The following MICALL2 variants were observed in gnomAD, a reference collection of about 807,000 sequenced individuals.
MICALL2 encodes the protein MICAL-like protein 2.
In MICALL2, 111 loss-of-function variants were observed where a neutral mutation model predicts 91.1. The observed-to-expected ratio is 1.22, with a 90% CI of 1.04 to 1.43. The LOEUF (loss-of-function observed/expected upper bound fraction) is 1.43, where lower values mean the gene tolerates loss of function less well. MICALL2 is among the 40% of genes most tolerant of loss of function. The pLI, the probability that MICALL2 is intolerant of heterozygous loss-of-function variation, is 0.00. For synonymous variants in MICALL2, 694 were observed against 525.3 expected (o/e 1.32, Z -4.39); for missense variants, 1,556 against 1,236.0 (o/e 1.26, Z -3.88).
At chr7:1,441,731 A>G in intron 7 of MICALL2, 1 of 192,254 alleles carries the variant, frequency 5.2e-6, no homozygotes, top group Non-Finnish European at 1.1e-5. Context: ...CACAGGGGGG[A>G]CGGGGCATAG....
chr7:1,455,254 C>A (rs1320238146), intron 1 of MICALL2, among the ~76,000 whole-genome samples: 1 of 152,244 alleles, frequency 6.6e-6, no homozygotes, highest in Non-Finnish European at 1.5e-5. Flanking sequence ...GCTGCTCCAG[C>A]CCCGACAGGC....
chr7:1,439,674 G>C (rs1017032163), intron 9 of MICALL2: 1 of 405,282 alleles, frequency 2.5e-6, no homozygotes, highest in Non-Finnish European at 4.3e-6. Context: ...CATGAACACA[G>C]ATGTACACAT....
chr7:1,435,205 G>A (rs377589459), intron 15 of MICALL2, 58 bp from the exon 16 acceptor site: 30 of 1,585,896 alleles, frequency 1.9e-5, no homozygotes, highest in African/African-American at 1.7e-4. Context: ...GCCCTGGAGG[G>A]GCCTCCGGAC....
chr7:1,437,757 C>G (rs967449422), intron 13 of MICALL2, 133 bp downstream of exon 13: 1 of 1,216,050 alleles, frequency 8.2e-7, no homozygotes, highest in African/African-American at 1.5e-5. Context: ...CCACCCAGAC[C>G]GCAACGAGGT....
chr7:1,450,552 G>C (rs1326396577), intron 1 of MICALL2: 2 of 443,204 alleles, frequency 4.5e-6, no homozygotes, highest in Non-Finnish European at 8.3e-6. Flanking sequence ...CCCCTCACCA[G>C]TGCTCCTGCC....
Position 1,447,769 on chromosome 7 carries a change from G to A in MICALL2, c.335-4C>T. 1 of 1,524,302 alleles carries A rather than the reference G, an allele frequency of 6.6e-7. No individual in the cohort carries two copies. The highest frequency in any genetic ancestry group is 2.0e-5 in the Admixed American group (1 of 49,570). The allele number at this position is 1,524,302 out of a possible 1,614,324, so 94.4% of individuals were successfully genotyped here. A position where few individuals can be genotyped will look rare whatever the true frequency, so the allele number is the denominator to read the frequency against. ...TTCACGCCTGCCATGCCCCCAACTG[G>A]AGGAATCAAGCAGGGATCGGGAGGG... On this transcript the variant is annotated splice_polypyrimidine_tract_variant and splice_region_variant and intron_variant, in intron 3 of 16. Transcript: ENST00000297508.
intron 7 of MICALL2, chr7:1,440,908 G>C: frequency 1.9e-6 from 1 of 539,116 alleles, no homozygotes; most frequent in Non-Finnish European, 3.4e-6. Context: ...AGCTCTCCCT[G>C]CCTCTGGGCC....
At position 1,446,787 on chromosome 7, in the gene MICALL2, C is replaced by G. The variant is rs1375455991; in HGVS notation, c.567G>C (p.Gly189=). The change falls in exon 5 of 17, where the codon GGG becomes GGC. Residue 189 remains glycine (G), a synonymous_variant. Transcript: ENST00000297508. ...CCAGGTGCACGTGCTTGCCGCAGAC[C>G]CCGCAGGTGCTGCTGACCAAGCTGC... ...LAGSLVSSTC[G]VCGKHVHLVQ... is the part of the protein sequence containing the mutation. The G allele has an allele frequency of 2.1e-5, 34 of 1,606,884 alleles. No homozygotes were observed. The highest frequency in any genetic ancestry group is 2.9e-5 in the Non-Finnish European group (34 of 1,177,416).
At chr7:1,449,558 C>T (rs915418294) in intron 2 of MICALL2, among the ~76,000 whole-genome samples, 4 of 152,260 alleles carry the variant, frequency 2.6e-5, no homozygotes, top group African/African-American at 9.6e-5. Context: ...AGCTTAAGTT[C>T]AAATTGTCCC....
chr7:1,455,941 A>C (rs1352708701), intron 1 of MICALL2, among the ~76,000 whole-genome samples: 1 of 151,958 alleles, frequency 6.6e-6, no homozygotes, highest in Non-Finnish European at 1.5e-5. Flanking sequence ...CTGAGAGGAC[A>C]ACCGGTCTGT....
chr7:1,439,040 A>T (rs1430731090), intron 9 of MICALL2, 45 bp from the exon 10 acceptor site: 1 of 1,470,964 alleles, frequency 6.8e-7, no homozygotes, highest in Admixed American at 1.8e-5. Flanking sequence ...GAGCAGGGCC[A>T]CTGGGAGCCT....
Position 1,452,036 on chromosome 7 carries a change from G to A in MICALL2, c.144-1748C>T, listed in dbSNP as rs1171996719. Among the ~76,000 whole-genome samples the A allele has an allele frequency of 6.6e-6, 1 of 152,122 alleles. No individual in the cohort carries two copies. Among genetic ancestry groups the A allele is most frequent in the African/African-American group, 2.4e-5 (1 of 41,414 alleles). ...CCACCTCTCTCCTTAGGAAGCCCCC[G>A]CCCCGTCCGCCTGCAGCCCTGCCGT... On this transcript the variant is annotated intron_variant, in intron 1 of 16. Transcript: ENST00000297508. This position sits in a 1 kb window ranked among gnomAD's most constrained non-coding sequence, Gnocchi z 6.2.
At chr7:1,453,839 T>C (rs1780920609) in intron 1 of MICALL2, among the ~76,000 whole-genome samples, 1 of 152,182 alleles carries the variant, frequency 6.6e-6, no homozygotes, top group African/African-American at 2.4e-5. Context: ...GCCCTATAAA[T>C]GCGTGTGATG....
intron 7 of MICALL2, 198 bp from the exon 8 acceptor site, chr7:1,440,882 G>T (rs375635733): frequency 1.7e-6 from 1 of 574,268 alleles, no homozygotes; most frequent in Admixed American, 2.9e-5. Flanking sequence ...CTCCTGTGCT[G>T]TGTGTCCCTG....
chr7:1,446,492 G>A lies in MICALL2; in HGVS notation c.641+221C>T, dbSNP rs544779510. On this transcript the variant is annotated intron_variant, in intron 5 of 16. Transcript: ENST00000297508. ...AGGATAGAGAGGAGAAGGAAGGGAGGATGGGAAGGAAAGTGAAAGGGAGAA... is the reference window on the plus strand; with the variant it reads ...AGGATAGAGAGGAGAAGGAAGGGAGAATGGGAAGGAAAGTGAAAGGGAGAA... Among the ~76,000 whole-genome samples, 89 of 105,934 alleles carry A rather than the reference G, an allele frequency of 8.4e-4. 1 individual carries two copies. Among genetic ancestry groups the A allele is most frequent in the African/African-American group, 3.2e-3 (86 of 26,816 alleles). The allele number at this position is 105,934 out of a possible 152,430, so 69.5% of individuals were successfully genotyped here. A position where few individuals can be genotyped will look rare whatever the true frequency, so the allele number is the denominator to read the frequency against.
At position 1,444,937 on chromosome 7, in the gene MICALL2, C is replaced by A; in HGVS notation, c.1133G>T (p.Gly378Val). The A allele has an allele frequency of 6.6e-7, 1 of 1,518,370 alleles. No individual in the cohort carries two copies. Among genetic ancestry groups the A allele is most frequent in the East Asian group, 2.4e-5 (1 of 41,558 alleles). 94.1% of individuals were successfully genotyped at this position (1,518,370 alleles called of 1,614,324 possible). Residue 378 changes from glycine to valine, a missense_variant, in exon 6 of 17, where the codon GGT becomes GTT. Gly to Val is a moderately radical substitution (Grantham distance 109). Transcript: ENST00000297508. ...AGCTGCCACTCGGGGGGCTCCCCCA[C>A]CCTGGGGTGTGGCCGGGCGAGGGTC... The part of the protein sequence containing the change: ...APDPRPATPQ[G>V]GGAPRVAAPQ...
At chr7:1,440,271 C>A in intron 8 of MICALL2, 186 bp from the exon 9 acceptor site, 1 of 725,906 alleles carries the variant, frequency 1.4e-6, no homozygotes, top group East Asian at 2.7e-5. Context: ...CCATCGCTAC[C>A]TGCCGTGGTG....
chr7:1,439,832 G>C (rs1018393094), intron 9 of MICALL2, 93 bp downstream of exon 9: 1 of 1,129,190 alleles, frequency 8.9e-7, no homozygotes, highest in African/African-American at 1.6e-5. Flanking sequence ...CACACCCCAG[G>C]AGGTGGCACT....
intron 9 of MICALL2, chr7:1,439,360 T>C (rs767870029): frequency 8.2e-6 from 2 of 242,982 alleles, no homozygotes; most frequent in South Asian, 9.5e-5. Context: ...ATCACATTCA[T>C]GAAACAGATC....
Sources: allele counts gnomAD v4.1 joint callset (sites outside exome capture counted in the v4.1 genomes callset), GRCh38; gene constraint gnomAD v4.1.1; non-coding constraint Gnocchi (gnomAD v3.1); transcripts MANE v1.5; gene names NCBI Gene and HGNC (gene_info 2026-07-23, HGNC 2026-07-21).